Variants in ROBO2 observed in about 807,000 individuals in gnomAD.
ROBO2 encodes roundabout guidance receptor 2, also known as roundabout homolog 2.
ROBO2 carries 53 observed loss-of-function variants against 160.8 expected under a neutral mutation model. The ratio of observed to expected loss-of-function variants is 0.33; its 90% CI spans 0.26 to 0.41. The LOEUF (loss-of-function observed/expected upper bound fraction) is 0.41, where lower values mean the gene tolerates loss of function less well. Among genes scored for constraint, ROBO2 ranks in the 10% least tolerant of loss-of-function variants. ROBO2 has a pLI of 1.00. For missense variants in ROBO2, 1,577 were observed against 1,722.4 expected, an observed-to-expected ratio of 0.92 and a Z score of 1.49; for synonymous variants, 664 against 611.7, an observed-to-expected ratio of 1.09 and a Z score of -1.26.
chr3:75,910,400 A>G (rs1946523718), intron 1 of ROBO2, among the ~76,000 whole-genome samples: 1 of 152,230 alleles, frequency 6.6e-6, no homozygotes, highest in African/African-American at 2.4e-5. Flanking sequence ...TGTACAAGAT[A>G]TGAATTAATT....
chr3:76,990,229 T>C (rs1206464520), intron 2 of ROBO2, among the ~76,000 whole-genome samples: 1 of 152,200 alleles, frequency 6.6e-6, no homozygotes, highest in African/African-American at 2.4e-5. Flanking sequence ...CTGAAAACCT[T>C]AGCTTTTCTT....
rs552293775 is a variant in ROBO2, at chr3:76,330,550, T to C, written c.109+392948T>C. ...TGCTTCAACAGAAACATGTTTTATA[T>C]GGACATTTTAAAGTTTTAGAATCTA... On this transcript the variant is annotated intron_variant, in intron 2 of 26. Coordinates refer to the ROBO2 transcript ENST00000487694. 2.6e-4 allele frequency among the ~76,000 whole-genome samples: 40 copies of C among 152,324 alleles called. 1 individual carries two copies. Among genetic ancestry groups the C allele is most frequent in the African/African-American group, 9.6e-4 (40 of 41,578 alleles).
At chr3:77,139,452 A>G (rs1186140708) in intron 2 of ROBO2, among the ~76,000 whole-genome samples, 1 of 152,172 alleles carries the variant, frequency 6.6e-6, no homozygotes, top group Non-Finnish European at 1.5e-5. Context: ...GGGTGTATTA[A>G]TACTAAGCAG....
intron 2 of ROBO2, among the ~76,000 whole-genome samples, chr3:76,272,812 AT>A (rs1559705586): frequency 0.038 from 255 of 6,672 alleles, 23 homozygotes; most frequent in Middle Eastern, 0.5. Context: ...AAAATATATA[AT>A]ATGTATTTAT....
At chr3:77,152,294 A>G (rs1166382991) in intron 2 of ROBO2, among the ~76,000 whole-genome samples, 1 of 152,234 alleles carries the variant, frequency 6.6e-6, no homozygotes, top group African/African-American at 2.4e-5. Context: ...GGAAAACAAA[A>G]CAGCTAAAAT....
intron 2 of ROBO2, among the ~76,000 whole-genome samples, chr3:76,164,768 C>T (rs1330365499): frequency 2.0e-5 from 3 of 152,070 alleles, no homozygotes; most frequent in Non-Finnish European, 4.4e-5. Context: ...TTTTAAGGGC[C>T]CTAGGGTCTT....
intron 2 of ROBO2, among the ~76,000 whole-genome samples, chr3:76,716,554 T>G (rs1423746833): frequency 6.6e-6 from 1 of 151,756 alleles, no homozygotes; most frequent in Non-Finnish European, 1.5e-5. Flanking sequence ...GTTATATATA[T>G]CAGAGAACAA....
intron 6 of ROBO2, among the ~76,000 whole-genome samples, chr3:77,525,447 G>A: frequency 6.7e-6 from 1 of 149,474 alleles, no homozygotes. Context: ...TATAAATTGA[G>A]GCTGAACATC....
chr3:77,522,976 G>A lies in ROBO2; in HGVS notation c.934+74G>A, dbSNP rs187205766. 418 of 1,542,234 alleles carry A rather than the reference G, an allele frequency of 2.7e-4. 3 individuals are homozygous for A. In the African/African-American group the frequency reaches 4.7e-3, roughly 17 times the overall value. On this transcript the variant is annotated intron_variant, in intron 6 of 25. Transcript: ENST00000461745. Reference sequence around the variant, plus strand: ...TGGTTAAATTGGTAAGTGAACTTACGATCAAAATAATGAATTATGCTGTTT... The same window carrying A: ...TGGTTAAATTGGTAAGTGAACTTACAATCAAAATAATGAATTATGCTGTTT...
chr3:77,218,669 G>A (rs1026169864), intron 2 of ROBO2, among the ~76,000 whole-genome samples: 1 of 152,142 alleles, frequency 6.6e-6, no homozygotes, highest in Non-Finnish European at 1.5e-5. Context: ...ACCGTGCCCG[G>A]CCTGAAATTA....
chr3:77,617,637 T>A lies in ROBO2; in HGVS notation c.3418T>A (p.Ser1140Thr), dbSNP rs1316081689. The change falls in exon 22 of 26, where the codon TCT becomes ACT. Residue 1140 changes from serine (S) to threonine (T), a missense_variant. Transcript: ENST00000461745. ...ACCTCCTGTTCGAGGCGTGGCTTCT[T>A]CTCCTGCTATCTCCTTTGGACAGCA... is the stretch of plus-strand genomic sequence containing the variant. 9.3e-6 allele frequency: 15 copies of A among 1,614,114 alleles called. No individual in the cohort carries two copies. Among genetic ancestry groups the A allele is most frequent in the Admixed American group, 1.7e-5 (1 of 60,022 alleles).
chr3:76,101,113 GT>G (rs2069665234), intron 2 of ROBO2, among the ~76,000 whole-genome samples: 2 of 152,094 alleles, frequency 1.3e-5, no homozygotes, highest in South Asian at 4.1e-4. Context: ...AGGGAAACAG[GT>G]CCTGTCCAGA....
chr3:76,434,765 A>T, intron 2 of ROBO2: 3 of 1,216,520 alleles, frequency 2.5e-6, no homozygotes, highest in Non-Finnish European at 3.7e-6. Flanking sequence ...CTTCCTGCTC[A>T]GCCCTGTTTG....
intron 2 of ROBO2, among the ~76,000 whole-genome samples, chr3:76,044,213 A>C (rs1003463477): frequency 6.6e-6 from 1 of 152,096 alleles, no homozygotes; most frequent in Non-Finnish European, 1.5e-5. Flanking sequence ...ATGTGGGGTC[A>C]GAGAACAAGG....
chr3:77,555,956 A>G (rs1311569810), intron 8 of ROBO2, among the ~76,000 whole-genome samples: 1 of 151,864 alleles, frequency 6.6e-6, no homozygotes, highest in Non-Finnish European at 1.5e-5. Context: ...TTAGGGCAGT[A>G]AAAAAACAGA....
intron 2 of ROBO2, among the ~76,000 whole-genome samples, chr3:77,119,807 G>A (rs976449176): frequency 6.6e-6 from 1 of 152,204 alleles, no homozygotes; most frequent in Admixed American, 6.5e-5. Context: ...CAGTCTAAGA[G>A]TTGCGGTTTT....
At chr3:77,402,117 A>G (rs1456440294) in intron 2 of ROBO2, among the ~76,000 whole-genome samples, 1 of 152,192 alleles carries the variant, frequency 6.6e-6, no homozygotes. Flanking sequence ...GGATGAGTTC[A>G]TGTCCTTTGC....
At chr3:77,416,974 A>T (rs144802265) in intron 2 of ROBO2, among the ~76,000 whole-genome samples, 1 of 152,268 alleles carries the variant, frequency 6.6e-6, no homozygotes, top group East Asian at 1.9e-4. Flanking sequence ...AAGCATAATG[A>T]GTTCATTATG....
At chr3:76,009,480 T>A (rs1223250515) in intron 2 of ROBO2, among the ~76,000 whole-genome samples, 1 of 152,154 alleles carries the variant, frequency 6.6e-6, no homozygotes, top group African/African-American at 2.4e-5. Flanking sequence ...TCTGTGATTT[T>A]CTCAAATGCC....
Sources: gnomAD v4.1 joint callset for allele counts (sites outside exome capture counted in the v4.1 genomes callset) on GRCh38, gnomAD v4.1.1 for gene constraint, MANE v1.5 for transcripts, NCBI Gene and HGNC (gene_info 2026-07-23, HGNC 2026-07-21) for gene names.